The following GAS7 variants were observed in gnomAD, a reference collection of about 807,000 sequenced individuals.
The protein encoded by GAS7 is growth arrest-specific protein 7.
A neutral mutation model predicts 71.1 loss-of-function variants in GAS7; 28 were observed. That is an observed-to-expected ratio of 0.39 (90% CI 0.29 to 0.54). The LOEUF (loss-of-function observed/expected upper bound fraction) is 0.54, where lower values mean the gene tolerates loss of function less well. GAS7 is among the 20% of genes least tolerant of loss of function. The pLI is 0.62. For missense variants in GAS7, 436 were observed against 627.8 expected (o/e 0.69, Z 3.27); for synonymous variants, 258 against 245.8 (o/e 1.05, Z -0.46).
chr17:9,995,474 A>C (rs976318740), intron 2 of GAS7, among the ~76,000 whole-genome samples: 4 of 152,056 alleles, frequency 2.6e-5, no homozygotes, highest in African/African-American at 9.7e-5. Flanking sequence ...TGAGCAGCCC[A>C]GTTTAAAAAG....
In GAS7 at chr17:9,959,416, T is replaced by C. The variant is rs1226779054; in HGVS notation, c.472-161A>G. On this transcript the variant is annotated intron_variant, in intron 4 of 13. Coordinates refer to ENST00000432992, the MANE Select transcript of GAS7 (RefSeq NM_201433.2). This position sits in a 1 kb window ranked among gnomAD's most constrained non-coding sequence, Gnocchi z 5.0. ...GGGCCAGGGCAAGCAGGGGTCTCCC[T>C]GACCCCACGCTGTTCCCACGCCCAG... The C allele has an allele frequency of 5.4e-6, 8 of 1,471,430 alleles. No individual in the cohort carries two copies. Among genetic ancestry groups the C allele is most frequent in the Admixed American group, 2.3e-5 (1 of 43,378 alleles). The allele number at this position is 1,471,430 out of a possible 1,614,324, so 91.1% of individuals were successfully genotyped here. A position where few individuals can be genotyped will look rare whatever the true frequency, so the allele number is the denominator to read the frequency against.
chr17:10,077,357 A>G (rs1239780583), intron 1 of GAS7, among the ~76,000 whole-genome samples: 1 of 152,248 alleles, frequency 6.6e-6, no homozygotes, highest in Non-Finnish European at 1.5e-5. Flanking sequence ...GTAAGAGTTG[A>G]CAATAAATGA....
intron 1 of GAS7, among the ~76,000 whole-genome samples, chr17:10,119,139 G>A (rs540964569): frequency 1.3e-4 from 20 of 152,270 alleles, no homozygotes; most frequent in African/African-American, 3.4e-4. Flanking sequence ...AATGGGTTGC[G>A]GGGAGCAGAC....
At chr17:10,146,440 G>A (rs558257123) in intron 1 of GAS7, among the ~76,000 whole-genome samples, 1 of 152,252 alleles carries the variant, frequency 6.6e-6, no homozygotes, top group South Asian at 2.1e-4. Context: ...GTCAGGGAGT[G>A]AATCCTCCAG....
At position 10,156,184 on chromosome 17, in the gene GAS7, G is replaced by A. The variant is rs751559216; in HGVS notation, c.183+42024C>T. Among the ~76,000 whole-genome samples the A allele has an allele frequency of 2.0e-4, 30 of 152,076 alleles. No homozygotes were observed. In the East Asian group the frequency reaches 2.3e-3, roughly 12 times the overall value. On this transcript the variant is annotated intron_variant, in intron 1 of 13. Transcript: ENST00000432992. ...TTTGGTCCTTGATAATATTTCCTTC[G>A]TAAGCAGATTTCTCCAAACCTCTAC... is the stretch of plus-strand genomic sequence containing the variant.
intron 1 of GAS7, chr17:10,061,225 C>A (rs2073216259): frequency 6.6e-6 from 1 of 152,314 alleles, no homozygotes; most frequent in African/African-American, 2.4e-5. Context: ...TTACCCAGAA[C>A]AACAACTTCA....
intron 1 of GAS7, among the ~76,000 whole-genome samples, chr17:10,039,129 T>C (rs2072813596): frequency 6.6e-6 from 1 of 151,762 alleles, no homozygotes; most frequent in South Asian, 2.1e-4. Flanking sequence ...GTGGTGATGA[T>C]GGCTGCACAA....
intron 5 of GAS7, among the ~76,000 whole-genome samples, chr17:9,955,678 G>T (rs924203848): frequency 3.3e-5 from 5 of 152,068 alleles, no homozygotes; most frequent in Non-Finnish European, 7.4e-5. Context: ...GTATAAATGT[G>T]CCAGGTCCCC....
At chr17:10,197,362 G>A (rs1238913762) in intron 1 of GAS7, among the ~76,000 whole-genome samples, 4 of 151,862 alleles carry the variant, frequency 2.6e-5, no homozygotes, top group African/African-American at 4.8e-5. Flanking sequence ...AGAATCCTGG[G>A]GGCAGGCGGG....
intron 5 of GAS7, among the ~76,000 whole-genome samples, chr17:9,951,283 A>C (rs1162969626): frequency 6.6e-6 from 1 of 152,272 alleles, no homozygotes; most frequent in East Asian, 1.9e-4. Flanking sequence ...TAACTATGAC[A>C]TTAAAGTAAA....
At chr17:10,154,214 C>A (rs998421487) in intron 1 of GAS7, among the ~76,000 whole-genome samples, 1 of 151,202 alleles carries the variant, frequency 6.6e-6, no homozygotes. Context: ...TTCACACAGG[C>A]CAAACTGGGT....
chr17:10,156,063 C>G (rs538286919), intron 1 of GAS7, among the ~76,000 whole-genome samples: 18 of 152,352 alleles, frequency 1.2e-4, no homozygotes, highest in African/African-American at 4.3e-4. Flanking sequence ...ACGAGATTCT[C>G]TAACTCCGAC....
chr17:10,012,448 C>A (rs539334493), intron 2 of GAS7, among the ~76,000 whole-genome samples: 4 of 151,734 alleles, frequency 2.6e-5, no homozygotes, highest in Non-Finnish European at 2.9e-5. Flanking sequence ...CCACCACACC[C>A]GGCTAATTTT....
At chr17:9,949,987 C>T (rs2068942879) in intron 5 of GAS7, among the ~76,000 whole-genome samples, 1 of 151,866 alleles carries the variant, frequency 6.6e-6, no homozygotes, top group Admixed American at 6.6e-5. Context: ...TCAGCCTCTC[C>T]CGGGTAGCTG....
intron 3 of GAS7, among the ~76,000 whole-genome samples, chr17:9,973,657 T>C (rs1225791593): frequency 2.0e-5 from 3 of 152,146 alleles, no homozygotes; most frequent in Non-Finnish European, 4.4e-5. Flanking sequence ...TTTCAAGAGA[T>C]GCCAAAAAGA....
rs9901715 is a variant in GAS7, at chr17:9,946,812, A to G, written c.615+82T>C. On this transcript the variant is annotated intron_variant, in intron 6 of 13. Transcript: ENST00000432992. ...ACGAGAAAGGCCCCTCCACTTTGAG[A>G]TCCAGGTCCCTCCTACCCATCCTGG... The G allele has an allele frequency of 0.044, 35,127 of 805,630 alleles. 1,771 individuals are homozygous for G. Among genetic ancestry groups the G allele is most frequent in the African/African-American group, 0.2 (11,291 of 57,900 alleles). 49.9% of individuals were successfully genotyped at this position (805,630 alleles called of 1,614,324 possible).
chr17:9,982,866 A>AAAGAAAGAAAGAAAGAAAGAAAGC (rs1173313108), intron 2 of GAS7, among the ~76,000 whole-genome samples: 3 of 144,552 alleles, frequency 2.1e-5, no homozygotes, highest in African/African-American at 8.0e-5. Context: ...AGAAAGAAAG[A>AAAGAAAGAAAGAAAGAAAGAAAGC]AAGCAAAGAA....
chr17:10,004,450 G>A (rs113455551), intron 2 of GAS7, among the ~76,000 whole-genome samples: 101 of 152,096 alleles, frequency 6.6e-4, no homozygotes, highest in African/African-American at 2.3e-3. Context: ...GATCCTCCCT[G>A]TAGCCCAAAA....
chr17:9,995,125 G>C (rs1211715474), intron 2 of GAS7, among the ~76,000 whole-genome samples: 1 of 152,210 alleles, frequency 6.6e-6, no homozygotes, highest in Admixed American at 6.5e-5. Context: ...TAACAGGCTG[G>C]CTGGAAGAAG....
Sources: gnomAD v4.1 joint callset for allele counts (sites outside exome capture counted in the v4.1 genomes callset) on GRCh38, gnomAD v4.1.1 for gene constraint, Gnocchi (gnomAD v3.1) non-coding constraint, MANE v1.5 for transcripts, NCBI Gene and HGNC (gene_info 2026-07-23, HGNC 2026-07-21) for gene names.